Variants in ZNF544 observed in about 807,000 individuals in gnomAD.
The protein encoded by ZNF544 is zinc finger protein 544, also known as zinc finger protein AF020591.
Under a neutral mutation model 13.5 loss-of-function variants are expected in ZNF544, and 10 were observed. That is an observed-to-expected ratio of 0.74 (90% CI 0.46 to 1.25). The LOEUF is 1.25. Ranked by LOEUF, ZNF544 falls within the 50% of genes most tolerant of loss-of-function variation. The pLI is 0.00. For synonymous variants in ZNF544, 323 were observed against 300.5 expected (o/e 1.07, Z -0.77); for missense variants, 896 against 845.6 (o/e 1.06, Z -0.74).
chr19:58,246,463 C>G (rs1246049895), intron 5 of ZNF544, 36 bp downstream of exon 5: 2 of 1,611,756 alleles, frequency 1.2e-6, no homozygotes, highest in Admixed American at 3.3e-5. Context: ...GGTTCTACCC[C>G]TAGGACTCAA....
At chr19:58,233,004 G>A (rs1427279685) in intron 3 of ZNF544, among the ~76,000 whole-genome samples, 1 of 148,366 alleles carries the variant, frequency 6.7e-6, no homozygotes, top group Non-Finnish European at 1.5e-5. Context: ...ATAAAGGAAA[G>A]AGGTTTAATT....
chr19:58,243,959 C>T lies in ZNF544; in HGVS notation c.-59-6C>T. The T allele has an allele frequency of 1.9e-6, 3 of 1,564,710 alleles. No homozygotes were observed. Among genetic ancestry groups the T allele is most frequent in the South Asian group, 1.2e-5 (1 of 84,644 alleles). Reference sequence around the variant, plus strand: ...GGGCTGAATCTCTGCTTGTTTTCCACCCCAGACTGGTCTTCTGAGGACCTC... The same window carrying T: ...GGGCTGAATCTCTGCTTGTTTTCCATCCCAGACTGGTCTTCTGAGGACCTC... On this transcript the variant is annotated splice_polypyrimidine_tract_variant and splice_region_variant and intron_variant, in intron 3 of 6. Transcript: ENST00000687789.
At chr19:58,232,346 C>CTTTTTT (rs71190011) in intron 3 of ZNF544, among the ~76,000 whole-genome samples, 2 of 75,232 alleles carry the variant, frequency 2.7e-5, no homozygotes, top group Non-Finnish European at 4.8e-5. Flanking sequence ...ACAATTTTAT[C>CTTTTTT]TTTTTTTTTT....
intron 3 of ZNF544, among the ~76,000 whole-genome samples, chr19:58,240,928 T>TTTTCTC (rs1471871491): frequency 6.6e-6 from 1 of 150,954 alleles, no homozygotes; most frequent in East Asian, 2.0e-4. Context: ...TTCTTTTTCT[T>TTTTCTC]TTTCTCCTTC....
chr19:58,241,404 C>T (rs1600251848), intron 3 of ZNF544, among the ~76,000 whole-genome samples: 1 of 151,174 alleles, frequency 6.6e-6, no homozygotes, highest in East Asian at 2.0e-4. Context: ...TTTGTCATAA[C>T]TTATGTTATA....
chr19:58,262,764 C>A lies in ZNF544; in HGVS notation c.*10C>A. 2 of 1,576,834 alleles carry A rather than the reference C, an allele frequency of 1.3e-6. No individual in the cohort carries two copies. Among genetic ancestry groups the A allele is most frequent in the South Asian group, 2.4e-5 (2 of 85,040 alleles). ...TGGAGAGAAACCTTAGGAGTGCAGT[C>A]ATTGTGGGAAAGCTTTCATCCAGAG... On this transcript the variant is annotated 3_prime_UTR_variant, in exon 7 of 7. Coordinates refer to ENST00000687789, the MANE Select transcript of ZNF544 (RefSeq NM_014480.4).
chr19:58,272,877 A>AG (rs2050798091), intron 5 of ZNF544, among the ~76,000 whole-genome samples: 2 of 151,288 alleles, frequency 1.3e-5, no homozygotes, highest in South Asian at 4.2e-4. Flanking sequence ...CTTCTCAAAA[A>AG]AAAAAAGAAA....
chr19:58,271,887 C>T (rs1043604368), intron 5 of ZNF544, among the ~76,000 whole-genome samples: 3 of 151,988 alleles, frequency 2.0e-5, no homozygotes, highest in African/African-American at 4.8e-5. Flanking sequence ...GCAGGCTGGG[C>T]GCAGTGGCTC....
In ZNF544 at chr19:58,262,631, T is replaced by C. The variant is rs151066224; in HGVS notation, c.2025T>C (p.Leu675=). The C allele has an allele frequency of 4.3e-6, 7 of 1,613,820 alleles. No individual in the cohort carries two copies. Among genetic ancestry groups the C allele is most frequent in the African/African-American group, 2.7e-5 (2 of 74,900 alleles). The change falls in exon 7 of 7, where the codon CTT becomes CTC. Residue 675 remains leucine, a synonymous_variant. Transcript: ENST00000687789. ...CGKAFSGSSN[L]LSHHRIHSGE... is the part of the protein sequence containing the mutation. ...AAGCCTTTTCAGGGAGCTCTAACCT[T>C]CTTTCCCATCACAGAATTCATTCTG...
chr19:58,266,930 T>C (rs1392046197), downstream of ZNF544: 1 of 152,246 alleles, frequency 6.6e-6, no homozygotes, highest in Non-Finnish European at 1.5e-5. Flanking sequence ...CAGCCCCGCC[T>C]GTCTGTGGAG....
chr19:58,246,633 A>AG, intron 5 of ZNF544, 78 bp from the exon 6 acceptor site: 1 of 1,549,852 alleles, frequency 6.5e-7, no homozygotes, highest in Non-Finnish European at 8.8e-7. Flanking sequence ...GGACAGCACT[A>AG]GGGGCTGAAG....
intron 5 of ZNF544, among the ~76,000 whole-genome samples, chr19:58,270,193 G>C (rs2050454550): frequency 6.6e-6 from 1 of 152,100 alleles, no homozygotes; most frequent in South Asian, 2.1e-4. Flanking sequence ...TGCTGGAGGG[G>C]GCAAAAAGCT....
chr19:58,245,908 A>G lies in ZNF544; in HGVS notation c.34-393A>G, dbSNP rs191458812. 695 of 324,798 alleles carry G rather than the reference A, an allele frequency of 2.1e-3. 3 individuals carry two copies. The highest frequency in any genetic ancestry group is 3.3e-3 in the Middle Eastern group (3 of 902). The allele number at this position is 324,798 out of a possible 1,614,324, so 20.1% of individuals were successfully genotyped here. ...AAAAGGAATGGTACAGACCACATAC[A>G]TGGAGCTGTCCCAGTCCGTTTGGGT... On this transcript the variant is annotated intron_variant, in intron 4 of 6. Coordinates refer to ENST00000687789, the MANE Select transcript of ZNF544 (RefSeq NM_014480.4).
chr19:58,249,054 C>CT (rs2045876026), intron 6 of ZNF544, among the ~76,000 whole-genome samples: 1 of 152,180 alleles, frequency 6.6e-6, no homozygotes, highest in Admixed American at 6.5e-5. Context: ...GGAAGAGGTA[C>CT]TTTCCATTTT....
intron 6 of ZNF544, among the ~76,000 whole-genome samples, chr19:58,256,223 C>T (rs149789852): frequency 1.3e-5 from 2 of 151,498 alleles, no homozygotes; most frequent in African/African-American, 2.4e-5. Flanking sequence ...CTGGCTGGCT[C>T]ACCAAAATAT....
chr19:58,229,236 G>A (rs1305292682), intron 1 of ZNF544: 1 of 149,108 alleles, frequency 6.7e-6, no homozygotes, highest in East Asian at 2.1e-4. Flanking sequence ...GAGCTGGGAG[G>A]GAACTTATAG....
chr19:58,248,126 A>C (rs965363018), intron 6 of ZNF544, among the ~76,000 whole-genome samples: 5 of 151,586 alleles, frequency 3.3e-5, no homozygotes, highest in African/African-American at 1.2e-4. Flanking sequence ...GTTGGCCAGG[A>C]TGGTCTCGAT....
At chr19:58,255,738 T>G (rs1213252015) in intron 6 of ZNF544, among the ~76,000 whole-genome samples, 1 of 152,248 alleles carries the variant, frequency 6.6e-6, no homozygotes, top group Non-Finnish European at 1.5e-5. Flanking sequence ...GAAATATGCG[T>G]GAGTTCGCCC....
chr19:58,243,941 ATC>A, intron 3 of ZNF544, 22 bp from the exon 4 acceptor site: 1 of 1,525,228 alleles, frequency 6.6e-7, no homozygotes, highest in Non-Finnish European at 8.8e-7. Context: ...GAGGGGCTGA[ATC>A]TCTGCTTGTT....
Sources: allele counts gnomAD v4.1 joint callset (sites outside exome capture counted in the v4.1 genomes callset), GRCh38; gene constraint gnomAD v4.1.1; transcripts MANE v1.5; gene names NCBI Gene and HGNC (gene_info 2026-07-23, HGNC 2026-07-21).